SLC6A15: variants seen among roughly 807,000 people sequenced by gnomAD.
SLC6A15 encodes the protein sodium-dependent neutral amino acid transporter B(0)AT2.
A neutral mutation model predicts 68.5 loss-of-function variants in SLC6A15; 33 were observed. That is an observed-to-expected ratio of 0.48 (90% CI 0.37 to 0.64). The LOEUF (loss-of-function observed/expected upper bound fraction) is 0.64. Ranked by LOEUF, SLC6A15 falls within the 30% of genes least tolerant of loss-of-function variation. The pLI, the probability that SLC6A15 is intolerant of heterozygous loss-of-function variation, is 0.00. For synonymous variants in SLC6A15, 347 were observed against 301.0 expected, an observed-to-expected ratio of 1.15 and a Z score of -1.58; for missense variants, 747 against 874.3, an observed-to-expected ratio of 0.85 and a Z score of 1.84.
intron 1 of SLC6A15, among the ~76,000 whole-genome samples, chr12:84,911,060 C>T (rs928512791): frequency 1.3e-5 from 2 of 152,112 alleles, no homozygotes; most frequent in African/African-American, 2.4e-5. Flanking sequence ...TACTGGGCGC[C>T]TAAGACATAA....
intron 5 of SLC6A15, among the ~76,000 whole-genome samples, chr12:84,877,833 C>T (rs1463405344): frequency 6.6e-6 from 1 of 152,036 alleles, no homozygotes; most frequent in African/African-American, 2.4e-5. Flanking sequence ...TTATGTGTTT[C>T]TGTGTTTATT....
At position 84,872,584 on chromosome 12, in the gene SLC6A15, C is replaced by G; in HGVS notation, c.1302+18G>C. On this transcript the variant is annotated intron_variant, in intron 8 of 11. Transcript: ENST00000266682. ...AGTGAATGATAATTATTTTATTGCTCAAACATGGCTTACTAACTTTATTTA... is the reference window on the plus strand; with the variant it reads ...AGTGAATGATAATTATTTTATTGCTGAAACATGGCTTACTAACTTTATTTA... 6.3e-7 allele frequency: 1 copy of G among 1,592,650 alleles called. No individual in the cohort carries two copies. The highest frequency in any genetic ancestry group is 1.1e-5 in the South Asian group (1 of 88,600).
At chr12:84,886,610 A>G (rs552807733) in intron 2 of SLC6A15, among the ~76,000 whole-genome samples, 2 of 151,900 alleles carry the variant, frequency 1.3e-5, no homozygotes, top group South Asian at 2.1e-4. Context: ...AAACAGCAAC[A>G]TAACTTCTAC....
chr12:84,864,075 T>C (rs569404896), intron 10 of SLC6A15, among the ~76,000 whole-genome samples: 2 of 150,948 alleles, frequency 1.3e-5, no homozygotes, highest in Non-Finnish European at 3.0e-5. Context: ...TATTAGTAAA[T>C]AATTTTACTA....
chr12:84,890,458 G>T (rs1872333931), intron 2 of SLC6A15, among the ~76,000 whole-genome samples: 1 of 152,158 alleles, frequency 6.6e-6, no homozygotes, highest in Non-Finnish European at 1.5e-5. Context: ...GGAATGATTT[G>T]TGAGAAACAA....
chr12:84,877,205 G>C (rs1320319795), intron 5 of SLC6A15, among the ~76,000 whole-genome samples: 2 of 152,076 alleles, frequency 1.3e-5, no homozygotes, highest in East Asian at 3.9e-4. Context: ...TCTTCCTCTG[G>C]AGGCCTAATA....
At chr12:84,882,355 A>C in intron 5 of SLC6A15, 3 of 983,186 alleles carry the variant, frequency 3.1e-6, no homozygotes, top group Non-Finnish European at 3.6e-6. Flanking sequence ...TTATTTAGTC[A>C]TATAATACAA....
chr12:84,881,868 C>T, intron 5 of SLC6A15: 1 of 985,368 alleles, frequency 1.0e-6, no homozygotes. Flanking sequence ...ACAATTTTGG[C>T]TTCCACATCT....
intron 1 of SLC6A15, among the ~76,000 whole-genome samples, chr12:84,902,149 T>C (rs1234184020): frequency 1.3e-5 from 2 of 151,948 alleles, no homozygotes; most frequent in Non-Finnish European, 1.5e-5. Context: ...ATTTTGCAAA[T>C]TGTATCCTGG....
chr12:84,863,266 A>C (rs997937579), intron 11 of SLC6A15, among the ~76,000 whole-genome samples, 173 bp downstream of exon 11: 1 of 145,328 alleles, frequency 6.9e-6, no homozygotes, highest in African/African-American at 2.6e-5. Context: ...CAATGTATTT[A>C]AAAAATCACA....
At chr12:84,878,364 A>G (rs1012718452) in intron 5 of SLC6A15, among the ~76,000 whole-genome samples, 6 of 152,084 alleles carry the variant, frequency 3.9e-5, no homozygotes, top group African/African-American at 1.4e-4. Context: ...TACTTTTGGC[A>G]TTCATTAAAT....
At chr12:84,883,059 C>A (rs754056836) in intron 5 of SLC6A15, 105 of 982,186 alleles carry the variant, frequency 1.1e-4, no homozygotes, top group Non-Finnish European at 1.2e-4. Flanking sequence ...CACAGCTGGA[C>A]AGTTAAACGG....
chr12:84,871,514 G>A lies in SLC6A15; in HGVS notation c.1303-844C>T, dbSNP rs117712118. ...GAGTTGTAAAATAACAACTTACTTT[G>A]TCTAACTAACTGTACCTATAACCAA... On this transcript the variant is annotated intron_variant, in intron 8 of 11. Coordinates refer to ENST00000266682, the MANE Select transcript of SLC6A15 (RefSeq NM_182767.6). Among the ~76,000 whole-genome samples the A allele has an allele frequency of 1.2e-3, 182 of 151,770 alleles. 7 individuals are homozygous for A. The East Asian group carries it at 0.033, about 27-fold the overall frequency.
At chr12:84,886,754 GTA>G (rs1872124054) in intron 2 of SLC6A15, among the ~76,000 whole-genome samples, 1 of 152,070 alleles carries the variant, frequency 6.6e-6, no homozygotes, top group East Asian at 1.9e-4. Context: ...TTGTAAAAAT[GTA>G]TATGTTATTA....
chr12:84,893,775 T>C (rs2120684595), intron 1 of SLC6A15, among the ~76,000 whole-genome samples: 1 of 152,338 alleles, frequency 6.6e-6, no homozygotes, highest in East Asian at 1.9e-4. Context: ...ACTAATTTGT[T>C]GCCTTTAGGT....
At chr12:84,898,212 G>T (rs1437148726) in intron 1 of SLC6A15, among the ~76,000 whole-genome samples, 1 of 152,102 alleles carries the variant, frequency 6.6e-6, no homozygotes, top group Non-Finnish European at 1.5e-5. Context: ...CTGGTGGCAT[G>T]CACCTTTAGT....
intron 1 of SLC6A15, among the ~76,000 whole-genome samples, chr12:84,902,226 C>T (rs1872915177): frequency 6.6e-6 from 1 of 151,862 alleles, no homozygotes; most frequent in African/African-American, 2.4e-5. Flanking sequence ...AGGAAGGGAA[C>T]TTTTTTTACA....
At chr12:84,865,629 G>C (rs554125799) in intron 10 of SLC6A15, among the ~76,000 whole-genome samples, 239 of 152,246 alleles carry the variant, frequency 1.6e-3, no homozygotes, top group African/African-American at 5.5e-3. Flanking sequence ...CCTGGATCTG[G>C]CCCAACCCCT....
At position 84,897,021 on chromosome 12, in the gene SLC6A15, T is replaced by G. The variant is rs190419187; in HGVS notation, c.-188-4713A>C. Among the ~76,000 whole-genome samples the G allele has an allele frequency of 2.0e-5, 3 of 151,920 alleles. No individual in the cohort carries two copies. In the East Asian group the frequency reaches 5.8e-4, roughly 30 times the overall value. On this transcript the variant is annotated intron_variant, in intron 1 of 11. Transcript: ENST00000266682. Reference sequence around the variant, plus strand: ...TACTGGCCAATATGGTGAAATTCCCTCTCCCCTAAAAAAATACAAAAATTA... The same window carrying G: ...TACTGGCCAATATGGTGAAATTCCCGCTCCCCTAAAAAAATACAAAAATTA...
Sources: gnomAD v4.1 joint callset for allele counts (sites outside exome capture counted in the v4.1 genomes callset) on GRCh38, gnomAD v4.1.1 for gene constraint, MANE v1.5 for transcripts, NCBI Gene and HGNC (gene_info 2026-07-23, HGNC 2026-07-21) for gene names.